Variants in KAT6B observed in about 807,000 individuals in gnomAD.
KAT6B encodes the protein histone acetyltransferase KAT6B.
Under a neutral mutation model 187.5 loss-of-function variants are expected in KAT6B, and 10 were observed. That is an observed-to-expected ratio of 0.05 (90% CI 0.03 to 0.09). The LOEUF is 0.09. Ranked by LOEUF, KAT6B falls within the 10% of genes least tolerant of loss-of-function variation. KAT6B has a pLI of 1.00. For missense variants in KAT6B, 1,952 were observed against 2,558.9 expected (o/e 0.76, Z 5.12); for synonymous variants, 861 against 926.8 (o/e 0.93, Z 1.29).
chr10:75,020,688 G>A lies in KAT6B; in HGVS notation c.2736G>A (p.Glu912=). ...CATATTGGAAGAGCGTCATCTTGGA[G>A]TATCTCTACCACCACCATGAGAGGC... ...YLAYWKSVIL[E]YLYHHHERHI... Residue 912 remains glutamate, a synonymous_variant, in exon 14 of 18, where the codon GAG becomes GAA. Coordinates refer to ENST00000287239, the MANE Select transcript of KAT6B (RefSeq NM_012330.4). The A allele has an allele frequency of 1.2e-6, 2 of 1,613,862 alleles. No individual in the cohort carries two copies. Among genetic ancestry groups the A allele is most frequent in the Non-Finnish European group, 1.7e-6 (2 of 1,179,926 alleles).
chr10:74,929,369 G>C (rs1417876898), intron 3 of KAT6B, among the ~76,000 whole-genome samples: 3 of 152,170 alleles, frequency 2.0e-5, no homozygotes, highest in Admixed American at 6.5e-5. Context: ...CTGTATTACA[G>C]ATGCTCTTGC....
At chr10:74,986,859 C>T (rs1033357524) in intron 12 of KAT6B, among the ~76,000 whole-genome samples, 5 of 152,168 alleles carry the variant, frequency 3.3e-5, no homozygotes, top group African/African-American at 7.2e-5. Flanking sequence ...ATAGGCTTAA[C>T]GGTGCCCACC....
chr10:74,839,684 A>G (rs1841587110), intron 2 of KAT6B, among the ~76,000 whole-genome samples: 1 of 152,228 alleles, frequency 6.6e-6, no homozygotes, highest in African/African-American at 2.4e-5. Flanking sequence ...CATCCTGAAT[A>G]AATGATGAAA....
chr10:74,950,446 G>GA (rs1414798736), intron 3 of KAT6B, among the ~76,000 whole-genome samples: 1 of 151,684 alleles, frequency 6.6e-6, no homozygotes, highest in Non-Finnish European at 1.5e-5. Flanking sequence ...TAACGCTCTG[G>GA]AAAAAAAATA....
At chr10:75,016,089 GAATTA>G (rs1458670695) in intron 13 of KAT6B, among the ~76,000 whole-genome samples, 2 of 152,214 alleles carry the variant, frequency 1.3e-5, no homozygotes, top group African/African-American at 4.8e-5. Context: ...ATTATGCTGG[GAATTA>G]AATTTAATTT....
chr10:74,994,104 T>A (rs2133906979), intron 13 of KAT6B, among the ~76,000 whole-genome samples: 1 of 152,360 alleles, frequency 6.6e-6, no homozygotes, highest in East Asian at 1.9e-4. Flanking sequence ...ATTACTATGA[T>A]AATTACCAAA....
chr10:74,899,462 A>G (rs1270746377), intron 3 of KAT6B, among the ~76,000 whole-genome samples: 1 of 151,626 alleles, frequency 6.6e-6, no homozygotes, highest in African/African-American at 2.4e-5. Context: ...TTTAGTAGAG[A>G]TGGGGTTTCA....
intron 13 of KAT6B, among the ~76,000 whole-genome samples, chr10:75,001,246 G>A (rs991532112): frequency 6.6e-6 from 1 of 151,808 alleles, no homozygotes; most frequent in Non-Finnish European, 1.5e-5. Context: ...TCTTCTTTAG[G>A]TGCCACAACC....
Position 75,030,856 on chromosome 10 carries a change from G to A in KAT6B, c.6032G>A (p.Gly2011Asp). ...MMNSGYHSNH[G>D]YMNQTPQYPM... is the part of the protein sequence containing the mutation. ...AACAGTGGCTACCACAGCAATCATG[G>A]CTATATGAATCAAACGCCCCAATAC... The change falls in exon 18 of 18, where the codon GGC (glycine) becomes GAC (aspartate). Residue 2011 changes from glycine to aspartate, a missense_variant. Physicochemically the swap from Gly to Asp is moderately conservative, Grantham distance 94. This residue lies in a region of KAT6B where 358 missense variants were observed against 436.3 expected (regional missense o/e 0.82). Coordinates refer to ENST00000287239, the MANE Select transcript of KAT6B (RefSeq NM_012330.4). This position sits in a 1 kb window ranked among gnomAD's most constrained non-coding sequence, Gnocchi z 4.8. 6.2e-7 allele frequency: 1 copy of A among 1,614,180 alleles called. No homozygotes were observed.
chr10:74,944,699 C>T (rs753335778), intron 3 of KAT6B, among the ~76,000 whole-genome samples: 129 of 150,048 alleles, frequency 8.6e-4, no homozygotes, highest in Non-Finnish European at 1.3e-3. Flanking sequence ...TTCCCAGCTA[C>T]TCGGGAAGCT....
At position 75,031,177 on chromosome 10, in the gene KAT6B, T is replaced by TAA. The variant is rs3832681; in HGVS notation, c.*143_*144dup. Reference sequence around the variant, plus strand: ...AAAACATTTGTTGGCACCATTTATTTAAAAAAAAAAAAAGCTGTATGCAGC... The same window carrying TAA: ...AAAACATTTGTTGGCACCATTTATTTAAAAAAAAAAAAAAAGCTGTATGCAGC... On this transcript the variant is annotated 3_prime_UTR_variant, in exon 18 of 18. Transcript: ENST00000287239. The TAA allele has an allele frequency of 4.8e-4, 428 of 885,842 alleles. No individual in the cohort carries two copies. Among genetic ancestry groups the TAA allele is most frequent in the South Asian group, 8.3e-4 (51 of 61,182 alleles). The allele number at this position is 885,842 out of a possible 1,614,324, so 54.9% of individuals were successfully genotyped here.
chr10:74,890,656 A>G (rs776813954), intron 3 of KAT6B, among the ~76,000 whole-genome samples: 17 of 152,224 alleles, frequency 1.1e-4, no homozygotes, highest in Non-Finnish European at 2.4e-4. Context: ...TAAAATAGAA[A>G]AAGGTAGGCT....
At chr10:75,019,719 C>G (rs955395608) in intron 13 of KAT6B, among the ~76,000 whole-genome samples, 2 of 151,742 alleles carry the variant, frequency 1.3e-5, no homozygotes, top group East Asian at 3.9e-4. Context: ...GAGACAGCCG[C>G]CAGCTTTCAT....
intron 13 of KAT6B, among the ~76,000 whole-genome samples, chr10:74,990,572 A>G (rs960292092): frequency 2.6e-5 from 4 of 152,142 alleles, no homozygotes; most frequent in Non-Finnish European, 5.9e-5. Context: ...TTATTTATTA[A>G]TTACCCTAGT....
At chr10:74,847,902 TTTTTTC>T (rs1304536680) in intron 3 of KAT6B, among the ~76,000 whole-genome samples, 54 of 151,218 alleles carry the variant, frequency 3.6e-4, no homozygotes, top group Admixed American at 2.4e-3. Flanking sequence ...GTTTTTCTTT[TTTTTTC>T]TTTTTCTTTT....
intron 3 of KAT6B, among the ~76,000 whole-genome samples, chr10:74,952,760 C>T (rs1266254238): frequency 2.0e-5 from 3 of 151,048 alleles, no homozygotes; most frequent in Admixed American, 6.6e-5. Flanking sequence ...GGTCTTGGCT[C>T]ACTGCAACCT....
At chr10:74,841,564 CAAA>C (rs571325192) in intron 2 of KAT6B, among the ~76,000 whole-genome samples, 1 of 143,108 alleles carries the variant, frequency 7.0e-6, no homozygotes, top group Non-Finnish European at 1.5e-5. Flanking sequence ...GACTCTATCT[CAAA>C]AAAAAAAAAT....
At chr10:75,003,919 GTTTGTATTCA>G (rs1844025917) in intron 13 of KAT6B, among the ~76,000 whole-genome samples, 1 of 152,110 alleles carries the variant, frequency 6.6e-6, no homozygotes, top group Non-Finnish European at 1.5e-5. Flanking sequence ...TTATAGAATA[GTTTGTATTCA>G]TTGCCTCAAT....
chr10:74,884,577 T>TC (rs1845095331), intron 3 of KAT6B, among the ~76,000 whole-genome samples: 1 of 151,464 alleles, frequency 6.6e-6, no homozygotes, highest in African/African-American at 2.4e-5. Context: ...TTTTCAAGAT[T>TC]TTTTTTTTGG....
Sources: gnomAD v4.1 joint callset for allele counts (sites outside exome capture counted in the v4.1 genomes callset) on GRCh38, gnomAD v4.1.1 for gene constraint, gnomAD v4.1.1 regional missense constraint, Gnocchi (gnomAD v3.1) non-coding constraint, MANE v1.5 for transcripts, NCBI Gene and HGNC (gene_info 2026-07-23, HGNC 2026-07-21) for gene names.